SRD5A2: variants seen among roughly 807,000 people sequenced by gnomAD.
SRD5A2 encodes steroid 5 alpha-reductase 2.
In SRD5A2, 30 loss-of-function variants were observed where a neutral mutation model predicts 27.4. The ratio of observed to expected loss-of-function variants is 1.10; its 90% CI spans 0.82 to 1.49. The LOEUF (loss-of-function observed/expected upper bound fraction) is 1.49. SRD5A2 is among the 40% of genes most tolerant of loss of function. The probability of loss-of-function intolerance (pLI) is 0.00; values close to 1 mark genes in which losing one functional copy is unlikely to be tolerated. For missense variants in SRD5A2, 348 were observed against 323.4 expected (o/e 1.08, Z -0.58); for synonymous variants, 141 against 133.6 (o/e 1.06, Z -0.38).
chr2:31,658,115 C>G, the SRD5A2 span, among the ~76,000 whole-genome samples: 1 of 152,112 alleles, frequency 6.6e-6, no homozygotes, highest in Non-Finnish European at 1.5e-5. Flanking sequence ...ATTAAACAAC[C>G]TGGTACTGAA....
chr2:31,613,572 T>A, the SRD5A2 span, among the ~76,000 whole-genome samples: 1 of 152,156 alleles, frequency 6.6e-6, no homozygotes, highest in Non-Finnish European at 1.5e-5. Flanking sequence ...GGTGAGAATA[T>A]AAATTATTAT....
At chr2:31,653,661 AT>A in the SRD5A2 span, among the ~76,000 whole-genome samples, 41 of 151,292 alleles carry the variant, frequency 2.7e-4, no homozygotes, top group African/African-American at 9.0e-4. Context: ...GCAAACTCCA[AT>A]TTTTTTTTCT....
intron 1 of SRD5A2, among the ~76,000 whole-genome samples, chr2:31,550,524 T>C (rs1382100053): frequency 6.6e-6 from 1 of 151,994 alleles, no homozygotes; most frequent in Non-Finnish European, 1.5e-5. Context: ...TCAGTAATTC[T>C]ATATGAAGAA....
At chr2:31,589,259 A>C in the SRD5A2 span, among the ~76,000 whole-genome samples, 1 of 152,210 alleles carries the variant, frequency 6.6e-6, no homozygotes, top group South Asian at 2.1e-4. Context: ...TGTACAGTGC[A>C]TGGATAGCTG....
At chr2:31,549,492 A>C (rs2148077696) in intron 1 of SRD5A2, among the ~76,000 whole-genome samples, 1 of 152,268 alleles carries the variant, frequency 6.6e-6, no homozygotes, top group South Asian at 2.1e-4. Flanking sequence ...AATGTATTTA[A>C]TGTCACTCAA....
the SRD5A2 span, among the ~76,000 whole-genome samples, chr2:31,643,159 T>C: frequency 6.6e-6 from 1 of 152,238 alleles, no homozygotes; most frequent in East Asian, 1.9e-4. Context: ...ATTTGTGCAT[T>C]TCATTATATA....
chr2:31,565,818 A>C (rs1417614443), intron 1 of SRD5A2, among the ~76,000 whole-genome samples: 1 of 152,042 alleles, frequency 6.6e-6, no homozygotes, highest in African/African-American at 2.4e-5. Flanking sequence ...GAAAATCATC[A>C]GGATATAGAA....
At chr2:31,595,354 T>G in the SRD5A2 span, among the ~76,000 whole-genome samples, 23 of 152,046 alleles carry the variant, frequency 1.5e-4, no homozygotes, top group African/African-American at 5.6e-4. Flanking sequence ...CAAGCTCAAT[T>G]AGAAATGAAA....
intron 1 of SRD5A2, among the ~76,000 whole-genome samples, chr2:31,543,171 A>G (rs985355146): frequency 1.3e-5 from 2 of 152,198 alleles, no homozygotes; most frequent in African/African-American, 4.8e-5. Context: ...TAATATAAAA[A>G]AGAAACTGTC....
At chr2:31,529,004 C>T (rs1256898267) in intron 4 of SRD5A2, among the ~76,000 whole-genome samples, 3 of 152,214 alleles carry the variant, frequency 2.0e-5, no homozygotes, top group Non-Finnish European at 4.4e-5. Flanking sequence ...AGGCACTTCT[C>T]GCTGGACAGC....
chr2:31,592,432 C>A, the SRD5A2 span, among the ~76,000 whole-genome samples: 1 of 152,188 alleles, frequency 6.6e-6, no homozygotes, highest in Non-Finnish European at 1.5e-5. Context: ...ATACCAAGGA[C>A]TCCCACAGAG....
At chr2:31,636,423 C>A in the SRD5A2 span, among the ~76,000 whole-genome samples, 1 of 151,900 alleles carries the variant, frequency 6.6e-6, no homozygotes, top group Non-Finnish European at 1.5e-5. Context: ...TATATGCCAA[C>A]AAAACAAGGC....
At chr2:31,551,087 A>T (rs1032162517) in intron 1 of SRD5A2, among the ~76,000 whole-genome samples, 2 of 152,120 alleles carry the variant, frequency 1.3e-5, no homozygotes, top group East Asian at 1.9e-4. Flanking sequence ...ACTGAAATTT[A>T]AAAATATCAC....
the SRD5A2 span, among the ~76,000 whole-genome samples, chr2:31,629,209 G>A: frequency 5.8e-3 from 886 of 152,084 alleles, 4 homozygotes; most frequent in Non-Finnish European, 9.3e-3. Flanking sequence ...TCTCTTCCAC[G>A]ACCCATGGCT....
At chr2:31,654,603 T>C in the SRD5A2 span, among the ~76,000 whole-genome samples, 1 of 152,116 alleles carries the variant, frequency 6.6e-6, no homozygotes, top group Non-Finnish European at 1.5e-5. Flanking sequence ...TCTGGCAATC[T>C]TGGATTCTAA....
At chr2:31,607,688 G>T in the SRD5A2 span, among the ~76,000 whole-genome samples, 1 of 152,034 alleles carries the variant, frequency 6.6e-6, no homozygotes, top group Non-Finnish European at 1.5e-5. Context: ...AGCAAAAATT[G>T]CAGAGCATCA....
chr2:31,636,026 G>A, the SRD5A2 span, among the ~76,000 whole-genome samples: 4 of 152,092 alleles, frequency 2.6e-5, no homozygotes, highest in South Asian at 4.2e-4. Flanking sequence ...TGCCTGTTCA[G>A]GAACTTTTGT....
the SRD5A2 span, among the ~76,000 whole-genome samples, chr2:31,636,263 G>T: frequency 6.6e-6 from 1 of 151,876 alleles, no homozygotes; most frequent in East Asian, 1.9e-4. Flanking sequence ...TATTTGGCTA[G>T]ACTGATTCCT....
chr2:31,627,940 G>T, the SRD5A2 span, among the ~76,000 whole-genome samples: 1 of 152,100 alleles, frequency 6.6e-6, no homozygotes. Context: ...TGAGAAGAAT[G>T]TATATTCTGT....
Sources: gnomAD v4.1 joint callset for allele counts (sites outside exome capture counted in the v4.1 genomes callset) on GRCh38, gnomAD v4.1.1 for gene constraint, MANE v1.5 for transcripts, NCBI Gene and HGNC (gene_info 2026-07-23, HGNC 2026-07-21) for gene names.